SRPK2: variants seen among roughly 807,000 people sequenced by gnomAD.
SRPK2 encodes the protein SFRS protein kinase 2.
In SRPK2, 21 loss-of-function variants were observed where a neutral mutation model predicts 90.8. The ratio of observed to expected loss-of-function variants is 0.23; its 90% CI spans 0.16 to 0.33. The LOEUF is 0.33. Ranked by LOEUF, SRPK2 falls within the 10% of genes least tolerant of loss-of-function variation. The pLI is 1.00. For synonymous variants in SRPK2, 288 were observed against 311.1 expected, an observed-to-expected ratio of 0.93 and a Z score of 0.78; for missense variants, 620 against 869.0, an observed-to-expected ratio of 0.71 and a Z score of 3.60.
chr7:105,344,569 T>A (rs1047678593), intron 2 of SRPK2, among the ~76,000 whole-genome samples: 4 of 151,958 alleles, frequency 2.6e-5, no homozygotes, highest in African/African-American at 9.7e-5. Flanking sequence ...TCACAAAATC[T>A]TCTGAATTTT....
At chr7:105,332,894 T>G (rs1270994361) in intron 2 of SRPK2, 1 of 152,016 alleles carries the variant, frequency 6.6e-6, no homozygotes, top group African/African-American at 2.4e-5. Flanking sequence ...GTTCTAGTAA[T>G]TTTTTACATA....
Position 105,388,703 on chromosome 7 carries a change from C to A in SRPK2, c.17-1G>T. Reference sequence around the variant, plus strand: ...CGCTTTCGGGCCTGAATGGCCAGCACTGGGGAAGAGAAGACACACATTAAC... The same window carrying A: ...CGCTTTCGGGCCTGAATGGCCAGCAATGGGGAAGAGAAGACACACATTAAC... On this transcript the variant is annotated splice_acceptor_variant, in intron 1 of 15. Coordinates refer to ENST00000393651, the MANE Select transcript of SRPK2 (RefSeq NM_182692.3). LOFTEE classifies it high-confidence loss of function. 1.3e-6 allele frequency: 2 copies of A among 1,583,092 alleles called. No individual in the cohort carries two copies. The highest frequency in any genetic ancestry group is 8.6e-7 in the Non-Finnish European group (1 of 1,163,990).
Position 105,321,715 on chromosome 7 carries a change from G to C in SRPK2, c.71+66933C>G, listed in dbSNP as rs142311737. 2.2e-4 allele frequency among the ~76,000 whole-genome samples: 34 copies of C among 152,086 alleles called. No homozygotes were observed. The East Asian group carries it at 6.4e-3, about 28-fold the overall frequency. Reference sequence around the variant, plus strand: ...AAAAGATGCTCAACATCATTCATAAGGAGAATGCAAATAAAAACGAGGCAC... The same window carrying C: ...AAAAGATGCTCAACATCATTCATAACGAGAATGCAAATAAAAACGAGGCAC... On this transcript the variant is annotated intron_variant, in intron 2 of 15. Coordinates refer to ENST00000393651, the MANE Select transcript of SRPK2 (RefSeq NM_182692.3).
At chr7:105,390,228 C>G (rs1047888257), upstream of SRPK2, among the ~76,000 whole-genome samples, 10 of 152,132 alleles carry the variant, frequency 6.6e-5, no homozygotes, top group African/African-American at 2.4e-4. Context: ...AACTTTCATA[C>G]TAATACAATG....
At chr7:105,182,148 T>C (rs562328399) in intron 3 of SRPK2, among the ~76,000 whole-genome samples, 1 of 150,028 alleles carries the variant, frequency 6.7e-6, no homozygotes, top group Non-Finnish European at 1.5e-5. Context: ...GGAGAATCGC[T>C]TGAACCCAGG....
chr7:105,202,095 A>C (rs1446388656), intron 3 of SRPK2, among the ~76,000 whole-genome samples: 4 of 149,532 alleles, frequency 2.7e-5, no homozygotes, highest in East Asian at 2.0e-4. Context: ...ACAAATGCTA[A>C]GTAAGATCTA....
intron 6 of SRPK2, among the ~76,000 whole-genome samples, chr7:105,164,552 T>G (rs1180776414): frequency 6.6e-6 from 1 of 152,234 alleles, no homozygotes; most frequent in Non-Finnish European, 1.5e-5. Flanking sequence ...CCTGGTTCTT[T>G]GGGGAGCAAC....
intron 2 of SRPK2, among the ~76,000 whole-genome samples, chr7:105,335,509 A>G (rs942344305): frequency 2.6e-5 from 4 of 151,880 alleles, no homozygotes; most frequent in African/African-American, 9.7e-5. Context: ...AACATTTTCA[A>G]AATTGGTCAT....
intron 1 of SRPK2, among the ~76,000 whole-genome samples, chr7:105,395,027 G>C (rs140797578): frequency 6.6e-6 from 1 of 152,234 alleles, no homozygotes; most frequent in East Asian, 1.9e-4. Context: ...ACAAGAATTA[G>C]CTAGGCGTGG....
At chr7:105,167,595 A>G in intron 5 of SRPK2, 131 bp from the exon 6 acceptor site, 1 of 510,062 alleles carries the variant, frequency 2.0e-6, no homozygotes, top group Non-Finnish European at 3.3e-6. Flanking sequence ...TATAAAAAAT[A>G]AACTTTATTT....
chr7:105,335,873 T>C (rs1180575969), intron 2 of SRPK2, among the ~76,000 whole-genome samples: 2 of 151,970 alleles, frequency 1.3e-5, no homozygotes, highest in African/African-American at 4.8e-5. Context: ...GGAGAATTGC[T>C]TGAAGCTGGG....
At chr7:105,327,615 G>A (rs1813742595) in intron 2 of SRPK2, among the ~76,000 whole-genome samples, 1 of 152,134 alleles carries the variant, frequency 6.6e-6, no homozygotes, top group African/African-American at 2.4e-5. Flanking sequence ...TCCACAGCCA[G>A]ATAACAAGAT....
chr7:105,145,896 C>T (rs530996225), intron 8 of SRPK2, among the ~76,000 whole-genome samples: 1 of 152,206 alleles, frequency 6.6e-6, no homozygotes, highest in African/African-American at 2.4e-5. Context: ...AGCCTCAGCC[C>T]TTTAGTATCC....
At chr7:105,320,849 A>AT (rs1197455338) in intron 2 of SRPK2, among the ~76,000 whole-genome samples, 1 of 151,286 alleles carries the variant, frequency 6.6e-6, no homozygotes, top group Non-Finnish European at 1.5e-5. Context: ...AACTGGGTTA[A>AT]TGAGACAAGG....
At chr7:105,295,378 A>G (rs1704748396) in intron 2 of SRPK2, among the ~76,000 whole-genome samples, 2 of 152,206 alleles carry the variant, frequency 1.3e-5, no homozygotes, top group South Asian at 2.1e-4. Flanking sequence ...ATTTCATACT[A>G]ATTACATGAA....
At position 105,132,891 on chromosome 7, in the gene SRPK2, T is replaced by C; in HGVS notation, c.1652A>G (p.His551Arg). The C allele has an allele frequency of 6.2e-7, 1 of 1,612,840 alleles. No individual in the cohort carries two copies. The highest frequency in any genetic ancestry group is 1.1e-5 in the South Asian group (1 of 90,932). Residue 551 changes from histidine to arginine, a missense_variant, in exon 13 of 16, where the codon CAC becomes CGC. His to Arg is a conservative substitution (Grantham distance 29). Coordinates refer to ENST00000393651, the MANE Select transcript of SRPK2 (RefSeq NM_182692.3). Reference protein sequence around the residue: ...DLGNACWVHKHFTEDIQTRQY... With the variant: ...DLGNACWVHKRFTEDIQTRQY... ...ACGCGTCTGGATGTCTTCCGTGAAGTGTTTATGCTGGAAGGGAACAGGCTG... is the reference window on the plus strand; with the variant it reads ...ACGCGTCTGGATGTCTTCCGTGAAGCGTTTATGCTGGAAGGGAACAGGCTG...
intron 7 of SRPK2, 117 bp downstream of exon 7, chr7:105,160,390 T>C: frequency 1.7e-6 from 1 of 572,168 alleles, no homozygotes; most frequent in South Asian, 2.6e-5. Flanking sequence ...ATACATAACA[T>C]ATATACATTA....
At chr7:105,271,789 T>G (rs1351396028) in intron 2 of SRPK2, among the ~76,000 whole-genome samples, 1 of 152,208 alleles carries the variant, frequency 6.6e-6, no homozygotes, top group Non-Finnish European at 1.5e-5. Context: ...CCCCCTCAAT[T>G]AGTCAGTTGT....
intron 3 of SRPK2, among the ~76,000 whole-genome samples, chr7:105,186,549 G>T (rs570237807): frequency 6.6e-6 from 1 of 152,224 alleles, no homozygotes; most frequent in East Asian, 1.9e-4. Flanking sequence ...CTGCTTTATT[G>T]ATTTCTTGTT....
Sources: gnomAD v4.1 joint callset for allele counts (sites outside exome capture counted in the v4.1 genomes callset) on GRCh38, gnomAD v4.1.1 for gene constraint, MANE v1.5 for transcripts, NCBI Gene and HGNC (gene_info 2026-07-23, HGNC 2026-07-21) for gene names.